Variants in SLC10A7 observed in about 807,000 individuals in gnomAD.
The protein encoded by SLC10A7 is sodium/bile acid cotransporter 7.
A neutral mutation model predicts 43.2 loss-of-function variants in SLC10A7; 29 were observed. That is an observed-to-expected ratio of 0.67 (90% confidence interval 0.50 to 0.92). The LOEUF (loss-of-function observed/expected upper bound fraction) is 0.92. Among genes scored for constraint, SLC10A7 ranks in the 40% least tolerant of loss-of-function variants. The pLI, the probability that SLC10A7 is intolerant of heterozygous loss-of-function variation, is 0.00. For missense variants in SLC10A7, 295 were observed against 403.2 expected (o/e 0.73, Z 2.30); for synonymous variants, 152 against 144.8 (o/e 1.05, Z -0.35).
At chr4:146,256,786 T>G in intron 11 of SLC10A7, 1 of 1,433,466 alleles carries the variant, frequency 7.0e-7, no homozygotes, top group Admixed American at 2.0e-5. Context: ...TGGGTCTCAA[T>G]CAGTACTGTG....
intron 5 of SLC10A7, among the ~76,000 whole-genome samples, chr4:146,337,127 T>C (rs1733944185): frequency 1.3e-5 from 2 of 152,084 alleles, no homozygotes; most frequent in Admixed American, 1.3e-4. Context: ...AAACATCTTC[T>C]AAGTTTTAGA....
At chr4:146,434,996 G>A (rs1489234226) in intron 5 of SLC10A7, among the ~76,000 whole-genome samples, 1 of 134,610 alleles carries the variant, frequency 7.4e-6, no homozygotes, top group Non-Finnish European at 1.6e-5. Context: ...TAAGCAAATT[G>A]AGGGCAAGAA....
intron 4 of SLC10A7, among the ~76,000 whole-genome samples, chr4:146,489,344 T>C (rs923073051): frequency 2.0e-5 from 3 of 152,176 alleles, no homozygotes; most frequent in African/African-American, 4.8e-5. Flanking sequence ...AGTGCCTGAG[T>C]TGACATCTTC....
At chr4:146,297,965 G>A (rs544916743) in intron 7 of SLC10A7, among the ~76,000 whole-genome samples, 1 of 152,304 alleles carries the variant, frequency 6.6e-6, no homozygotes, top group South Asian at 2.1e-4. Flanking sequence ...GGCACAGAGA[G>A]TCAAGTCAAC....
intron 6 of SLC10A7, among the ~76,000 whole-genome samples, chr4:146,315,066 A>G (rs1444534351): frequency 6.6e-6 from 1 of 152,090 alleles, no homozygotes; most frequent in African/African-American, 2.4e-5. Context: ...AGCAAGATGT[A>G]GTTGGGGAGA....
intron 5 of SLC10A7, among the ~76,000 whole-genome samples, chr4:146,347,206 C>T (rs1328249659): frequency 2.6e-5 from 4 of 151,938 alleles, no homozygotes; most frequent in East Asian, 1.9e-4. Context: ...GAAGTGTGTT[C>T]GTGGTGCTTA....
chr4:146,397,545 G>A (rs1738921889), intron 5 of SLC10A7, among the ~76,000 whole-genome samples: 1 of 152,134 alleles, frequency 6.6e-6, no homozygotes, highest in Non-Finnish European at 1.5e-5. Context: ...GTTTGCATAG[G>A]ATTTTTAGCA....
chr4:146,330,017 G>A (rs187745533), intron 5 of SLC10A7, among the ~76,000 whole-genome samples: 1 of 152,254 alleles, frequency 6.6e-6, no homozygotes, highest in East Asian at 1.9e-4. Context: ...CCTTGCAATT[G>A]GGATGGTGTA....
chr4:146,444,072 T>G (rs1416148111), intron 4 of SLC10A7, among the ~76,000 whole-genome samples: 1 of 152,162 alleles, frequency 6.6e-6, no homozygotes, highest in African/African-American at 2.4e-5. Context: ...AGATGACAAT[T>G]GTAAACTATA....
rs1372486728 is a variant in SLC10A7 at position 146,373,786 on chromosome 4, T to C, written c.436-47790A>G. On this transcript the variant is annotated intron_variant, in intron 5 of 11. Coordinates refer to ENST00000335472, the MANE Select transcript of SLC10A7 (RefSeq NM_001029998.6). ...GAGTGGGGCCCACATATGAATGATT[T>C]TTTTTAAACCACCCAAGTTATTTTA... Among the ~76,000 whole-genome samples the C allele has an allele frequency of 3.9e-5, 6 of 152,290 alleles. No homozygotes were observed. In the South Asian group the frequency reaches 1.0e-3, roughly 26 times the overall value.
intron 6 of SLC10A7, among the ~76,000 whole-genome samples, chr4:146,317,981 C>T (rs2149696582): frequency 6.6e-6 from 1 of 152,122 alleles, no homozygotes; most frequent in Non-Finnish European, 1.5e-5. Context: ...TAATAAATCT[C>T]TCTCTCTAGG....
At chr4:146,316,544 T>A (rs192085579) in intron 6 of SLC10A7, among the ~76,000 whole-genome samples, 11 of 152,216 alleles carry the variant, frequency 7.2e-5, no homozygotes, top group Admixed American at 1.3e-4. Context: ...TGCCTTCATC[T>A]TGGACTTCCC....
intron 5 of SLC10A7, among the ~76,000 whole-genome samples, chr4:146,367,529 C>T (rs1157971378): frequency 6.6e-6 from 1 of 152,106 alleles, no homozygotes; most frequent in African/African-American, 2.4e-5. Flanking sequence ...ATTGTTTATG[C>T]AGTCCTTTTC....
intron 4 of SLC10A7, among the ~76,000 whole-genome samples, chr4:146,463,106 C>T (rs1368417437): frequency 6.6e-6 from 1 of 152,134 alleles, no homozygotes; most frequent in Non-Finnish European, 1.5e-5. Context: ...TAAAGAAATA[C>T]AGCAACTTTT....
chr4:146,336,257 C>T (rs1318875968), intron 5 of SLC10A7, among the ~76,000 whole-genome samples: 1 of 152,084 alleles, frequency 6.6e-6, no homozygotes, highest in Non-Finnish European at 1.5e-5. Flanking sequence ...CAGATCTCTG[C>T]TCTGAAGTAT....
At chr4:146,310,085 T>G (rs560062700) in intron 6 of SLC10A7, among the ~76,000 whole-genome samples, 13 of 152,306 alleles carry the variant, frequency 8.5e-5, no homozygotes, top group African/African-American at 2.9e-4. Context: ...TTGTTTTCAG[T>G]TCCTGTGTTA....
intron 5 of SLC10A7, among the ~76,000 whole-genome samples, chr4:146,335,942 A>G (rs1365176434): frequency 6.6e-6 from 1 of 152,056 alleles, no homozygotes; most frequent in African/African-American, 2.4e-5. Context: ...AGCAACATTG[A>G]TTTCACCTGG....
At chr4:146,284,142 A>G (rs1460863302) in intron 9 of SLC10A7, among the ~76,000 whole-genome samples, 1 of 152,158 alleles carries the variant, frequency 6.6e-6, no homozygotes, top group Non-Finnish European at 1.5e-5. Context: ...TATTTTAGAA[A>G]CTATTCTTTC....
intron 5 of SLC10A7, among the ~76,000 whole-genome samples, chr4:146,381,851 A>G (rs1737646378): frequency 6.6e-6 from 1 of 152,062 alleles, no homozygotes; most frequent in Non-Finnish European, 1.5e-5. Context: ...ACCTTTTTCT[A>G]TGCCTGCTCT....
Sources: gnomAD v4.1 joint callset for allele counts (sites outside exome capture counted in the v4.1 genomes callset) on GRCh38, gnomAD v4.1.1 for gene constraint, MANE v1.5 for transcripts, NCBI Gene and HGNC (gene_info 2026-07-23, HGNC 2026-07-21) for gene names.